Variants in TNR observed in about 807,000 individuals in gnomAD.
TNR encodes the protein tenascin R.
Under a neutral mutation model 150.4 loss-of-function variants are expected in TNR, and 45 were observed. The ratio of observed to expected loss-of-function variants is 0.30; its 90% CI spans 0.24 to 0.38. The LOEUF is 0.38. TNR is among the 10% of genes least tolerant of loss of function. The probability of loss-of-function intolerance (pLI) is 1.00; values close to 1 mark genes in which losing one functional copy is unlikely to be tolerated. For missense variants in TNR, 1,544 were observed against 1,759.1 expected (o/e 0.88, Z 2.19); for synonymous variants, 687 against 678.4 (o/e 1.01, Z -0.20).
intron 1 of TNR, among the ~76,000 whole-genome samples, chr1:175,661,538 C>T (rs574302768): frequency 6.6e-6 from 1 of 152,212 alleles, no homozygotes; most frequent in African/African-American, 2.4e-5. Flanking sequence ...CATCCTGCCT[C>T]ACGTTGTACT....
At chr1:175,506,554 A>G (rs1658965706) in intron 2 of TNR, among the ~76,000 whole-genome samples, 1 of 152,202 alleles carries the variant, frequency 6.6e-6, no homozygotes, top group Non-Finnish European at 1.5e-5. Context: ...AGCACATGGC[A>G]AGGGGACACA....
intron 1 of TNR, among the ~76,000 whole-genome samples, chr1:175,648,322 A>G (rs1664863647): frequency 6.6e-6 from 1 of 152,118 alleles, no homozygotes; most frequent in Non-Finnish European, 1.5e-5. Flanking sequence ...TTAAAAAACG[A>G]GCTGCTTTGC....
intron 2 of TNR, among the ~76,000 whole-genome samples, chr1:175,423,037 G>C (rs192572511): frequency 6.6e-6 from 1 of 152,122 alleles, no homozygotes; most frequent in Non-Finnish European, 1.5e-5. Flanking sequence ...TTCCATTCTC[G>C]GGCTTTATGA....
chr1:175,581,127 T>C (rs886791067), intron 1 of TNR, among the ~76,000 whole-genome samples: 4 of 152,216 alleles, frequency 2.6e-5, no homozygotes, highest in African/African-American at 7.2e-5. Flanking sequence ...TGCATGGTGT[T>C]GTGGCTGGCC....
At chr1:175,524,572 G>A (rs1472778762) in intron 2 of TNR, among the ~76,000 whole-genome samples, 2 of 152,134 alleles carry the variant, frequency 1.3e-5, no homozygotes, top group Non-Finnish European at 2.9e-5. Flanking sequence ...AGGACTCATT[G>A]GAAGAGTTAG....
intron 2 of TNR, among the ~76,000 whole-genome samples, chr1:175,517,138 G>A (rs1000422257): frequency 6.6e-6 from 1 of 151,882 alleles, no homozygotes; most frequent in Non-Finnish European, 1.5e-5. Flanking sequence ...ACAAGTAGAG[G>A]TGCTGAAATA....
At chr1:175,516,783 T>G (rs1659422705) in intron 2 of TNR, among the ~76,000 whole-genome samples, 1 of 152,206 alleles carries the variant, frequency 6.6e-6, no homozygotes, top group Non-Finnish European at 1.5e-5. Flanking sequence ...TATTCTATTA[T>G]TTTGTTCAGA....
intron 2 of TNR, among the ~76,000 whole-genome samples, chr1:175,514,544 T>C (rs1368504181): frequency 1.3e-5 from 2 of 152,182 alleles, no homozygotes; most frequent in East Asian, 1.9e-4. Flanking sequence ...AGCTGGACTA[T>C]TCAACCAGGG....
chr1:175,643,788 G>T (rs10913043), intron 1 of TNR, among the ~76,000 whole-genome samples: 1 of 151,962 alleles, frequency 6.6e-6, no homozygotes, highest in African/African-American at 2.4e-5. Flanking sequence ...ATACACAGGC[G>T]ATATCACAGA....
At chr1:175,734,002 C>T (rs1667710161) in intron 1 of TNR, among the ~76,000 whole-genome samples, 1 of 152,192 alleles carries the variant, frequency 6.6e-6, no homozygotes, top group Non-Finnish European at 1.5e-5. Flanking sequence ...GCCAACCTTC[C>T]CTTGAGCTCA....
At chr1:175,344,893 C>G (rs757752322) in intron 18 of TNR, among the ~76,000 whole-genome samples, 2 of 151,942 alleles carry the variant, frequency 1.3e-5, no homozygotes, top group Non-Finnish European at 2.9e-5. Context: ...AAAAACAGAA[C>G]CAAAAACAAA....
At chr1:175,524,162 G>T (rs527986646) in intron 2 of TNR, among the ~76,000 whole-genome samples, 1 of 152,136 alleles carries the variant, frequency 6.6e-6, no homozygotes, top group Non-Finnish European at 1.5e-5. Context: ...GTAGTTAGGC[G>T]TGAGGGAGGC....
At chr1:175,734,032 T>C (rs762994565) in intron 1 of TNR, among the ~76,000 whole-genome samples, 6 of 152,188 alleles carry the variant, frequency 3.9e-5, no homozygotes, top group Non-Finnish European at 8.8e-5. Flanking sequence ...CAGCCAGGGA[T>C]TGCTGGTGAC....
intron 1 of TNR, among the ~76,000 whole-genome samples, chr1:175,681,320 G>A (rs548441219): frequency 6.6e-6 from 1 of 152,332 alleles, no homozygotes; most frequent in East Asian, 1.9e-4. Flanking sequence ...AAGTCAAATA[G>A]ACTCTAAAGC....
chr1:175,523,911 T>C (rs1027237092), intron 2 of TNR, among the ~76,000 whole-genome samples: 1 of 152,166 alleles, frequency 6.6e-6, no homozygotes, highest in Non-Finnish European at 1.5e-5. Flanking sequence ...GCCATGTACA[T>C]AGCAGCGTCT....
chr1:175,639,639 T>A (rs940059073), intron 1 of TNR, among the ~76,000 whole-genome samples: 4 of 152,200 alleles, frequency 2.6e-5, no homozygotes, highest in South Asian at 4.1e-4. Context: ...TTCTAGCTCA[T>A]GTGAGGTAAA....
chr1:175,418,016 C>T (rs1654577312), intron 2 of TNR, among the ~76,000 whole-genome samples: 1 of 152,150 alleles, frequency 6.6e-6, no homozygotes, highest in African/African-American at 2.4e-5. Flanking sequence ...GACCCAAAGA[C>T]TACAAGCAGG....
At chr1:175,415,628 G>C (rs553549815) in intron 2 of TNR, among the ~76,000 whole-genome samples, 2 of 152,232 alleles carry the variant, frequency 1.3e-5, no homozygotes, top group South Asian at 4.1e-4. Flanking sequence ...CAGCATGTTC[G>C]TGGCTTCGTG....
At chr1:175,323,534 CA>C (rs1438239669) in intron 22 of TNR, 58 bp from the exon 23 acceptor site, 4 of 1,577,618 alleles carry the variant, frequency 2.5e-6, no homozygotes, top group South Asian at 2.3e-5. Flanking sequence ...CGCCCCACTT[CA>C]AAAAAGGGGT....
Sources: gnomAD v4.1 joint callset for allele counts (sites outside exome capture counted in the v4.1 genomes callset) on GRCh38, gnomAD v4.1.1 for gene constraint, MANE v1.5 for transcripts, NCBI Gene and HGNC (gene_info 2026-07-23, HGNC 2026-07-21) for gene names.